NDRG4: variants seen among roughly 807,000 people sequenced by gnomAD.
NDRG4 encodes protein NDRG4.
In NDRG4, 38 loss-of-function variants were observed where a neutral mutation model predicts 55.8. The ratio of observed to expected loss-of-function variants is 0.68; its 90% CI spans 0.53 to 0.89. NDRG4 has a LOEUF of 0.89. NDRG4 is among the 40% of genes least tolerant of loss of function. NDRG4 has a pLI of 0.00. For synonymous variants in NDRG4, 190 were observed against 182.7 expected (o/e 1.04, Z -0.32); for missense variants, 455 against 468.6 (o/e 0.97, Z 0.27).
intron 7 of NDRG4, 130 bp downstream of exon 7, chr16:58,506,744 C>A: frequency 8.2e-7 from 1 of 1,225,330 alleles, no homozygotes; most frequent in Non-Finnish European, 1.2e-6. Context: ...ATCTGAAAGA[C>A]AGACATCCCC....
chr16:58,495,901 G>A (rs1193222620), upstream of NDRG4, among the ~76,000 whole-genome samples: 1 of 152,186 alleles, frequency 6.6e-6, no homozygotes, highest in African/African-American at 2.4e-5. Flanking sequence ...GGAGTGAATG[G>A]GAGCCCAGGA....
At chr16:58,477,012 C>T (rs2033742862) in intron 1 of NDRG4, among the ~76,000 whole-genome samples, 1 of 152,060 alleles carries the variant, frequency 6.6e-6, no homozygotes, top group South Asian at 2.1e-4. Context: ...CCAGGTTTCT[C>T]ACCACTGGAG....
At chr16:58,465,752 A>C (rs973279372) in intron 1 of NDRG4, among the ~76,000 whole-genome samples, 3 of 152,162 alleles carry the variant, frequency 2.0e-5, no homozygotes, top group African/African-American at 7.2e-5. Context: ...ATAAATAAAT[A>C]AATCAGCAAT....
At chr16:58,506,306 C>T (rs1431505841) in intron 5 of NDRG4, 81 bp from the exon 6 acceptor site, 12 of 1,378,336 alleles carry the variant, frequency 8.7e-6, no homozygotes, top group African/African-American at 7.1e-5. Context: ...TGATCAGCAG[C>T]ACCTTGAAGA....
At chr16:58,510,908 G>A (rs1053963581) in intron 14 of NDRG4, 12 of 594,312 alleles carry the variant, frequency 2.0e-5, no homozygotes, top group African/African-American at 5.6e-5. Context: ...CATGAGCTGC[G>A]TGGCTTCCAG....
intron 2 of NDRG4, among the ~76,000 whole-genome samples, chr16:58,488,029 C>T (rs958900481): frequency 1.3e-5 from 2 of 152,136 alleles, no homozygotes; most frequent in Non-Finnish European, 2.9e-5. Context: ...CCCAGCCAGC[C>T]TCACGGTGGC....
At chr16:58,478,701 T>TTTTG (rs1555528538) in intron 1 of NDRG4, among the ~76,000 whole-genome samples, 22 of 140,942 alleles carry the variant, frequency 1.6e-4, no homozygotes, top group Non-Finnish European at 3.0e-5. Context: ...TTTTTTGTTT[T>TTTTG]TTTTTTTTGT....
chr16:58,486,897 C>A (rs1053978716), intron 1 of NDRG4, among the ~76,000 whole-genome samples: 1 of 152,118 alleles, frequency 6.6e-6, no homozygotes, highest in Non-Finnish European at 1.5e-5. Context: ...ACCTGCACCC[C>A]CTCTTTCAAC....
downstream of NDRG4, among the ~76,000 whole-genome samples, chr16:58,514,025 C>T (rs2039042727): frequency 6.6e-6 from 1 of 152,128 alleles, no homozygotes. Flanking sequence ...ACAAAACACC[C>T]CTGCCCTCCA....
intron 1 of NDRG4, among the ~76,000 whole-genome samples, chr16:58,481,008 TA>T (rs75802479): frequency 0.024 from 3,162 of 131,926 alleles, 29 homozygotes; most frequent in African/African-American, 0.036. Flanking sequence ...GACTCTGTCT[TA>T]AAAAAAAAAA....
rs754829064 is a variant in NDRG4 at position 58,504,455 on chromosome 16, A to AG, written c.311+38dup. 14 of 1,612,368 alleles carry AG rather than the reference A, an allele frequency of 8.7e-6. No individual in the cohort carries two copies. The African/African-American group carries it at 1.6e-4, about 18-fold the overall frequency. On this transcript the variant is annotated intron_variant, in intron 4 of 14. Transcript: ENST00000570248. ...CCGCACAGCCCCTGCGCTAGGGCCC[A>AG]GGGGTGCCTACCCCAACTGCAGAGC...
At position 58,510,750 on chromosome 16, in the gene NDRG4, C is replaced by T. The variant is rs569738925; in HGVS notation, c.904+67C>T. ...TCCTCCTCCCCCGCTCCTTCCTCTG[C>T]GCAGTGTGCTGCAGCCAGGCCGCAT... On this transcript the variant is annotated intron_variant, in intron 14 of 14. Transcript: ENST00000570248. The T allele has an allele frequency of 3.1e-5, 44 of 1,412,072 alleles. 1 individual carries two copies. The highest frequency in any genetic ancestry group is 1.5e-4 in the South Asian group (12 of 81,802). The allele number at this position is 1,412,072 out of a possible 1,614,324, so 87.5% of individuals were successfully genotyped here.
chr16:58,514,523 G>A (rs1245939949), downstream of NDRG4, among the ~76,000 whole-genome samples: 16 of 152,036 alleles, frequency 1.1e-4, no homozygotes, highest in Admixed American at 1.0e-3. Flanking sequence ...GATTGCCTGA[G>A]CTCAGGAGTT....
intron 1 of NDRG4, among the ~76,000 whole-genome samples, chr16:58,469,586 C>A (rs746327764): frequency 2.4e-4 from 37 of 152,032 alleles, no homozygotes; most frequent in South Asian, 4.1e-4. Flanking sequence ...GCAAAAAAAA[C>A]CCAAAAAACT....
At chr16:58,508,310 A>G (rs1265901775) in intron 10 of NDRG4, among the ~76,000 whole-genome samples, 1 of 152,162 alleles carries the variant, frequency 6.6e-6, no homozygotes, top group Non-Finnish European at 1.5e-5. Context: ...CCCAGGGTGT[A>G]CGATCTTTTT....
chr16:58,487,160 G>C (rs1811709706), intron 1 of NDRG4, among the ~76,000 whole-genome samples: 1 of 152,164 alleles, frequency 6.6e-6, no homozygotes. Flanking sequence ...GCAGAATGTT[G>C]CATGTAATTG....
Position 58,482,266 on chromosome 16 carries a change from G to C in NDRG4, c.-23-5490G>C, listed in dbSNP as rs546727925. 2.5e-4 allele frequency among the ~76,000 whole-genome samples: 38 copies of C among 152,218 alleles called. No homozygotes were observed. The South Asian group carries it at 7.3e-3, about 29-fold the overall frequency. ...CTCAAGGCAGTGTGGACCGGACCTT[G>C]ACCCTGACCTGTGGGTCCCCTTCAC... On this transcript the variant is annotated intron_variant, in intron 1 of 15. Coordinates refer to the NDRG4 transcript ENST00000258187.
chr16:58,513,196 G>GTGTGTGTGTGTGTGTA lies in NDRG4; in HGVS notation c.*1621_*1622insGTGTGTGTGTGTGTAT, dbSNP rs367680752. ...TGTGTGTGTGTGTGTGTGTGTGTGTGTACATCGGGTCCTCCCATGTGTGGT... is the reference window on the plus strand; with the variant it reads ...TGTGTGTGTGTGTGTGTGTGTGTGTGTGTGTGTGTGTGTGTATACATCGGGTCCTCCCATGTGTGGT... On this transcript the variant is annotated 3_prime_UTR_variant, in exon 15 of 15. Transcript: ENST00000570248. 3.3e-5 allele frequency: 5 copies of GTGTGTGTGTGTGTGTA among 150,552 alleles called. No homozygotes were observed. The highest frequency in any genetic ancestry group is 2.1e-4 in the South Asian group (1 of 4,670). The allele number at this position is 150,552 out of a possible 1,614,324, so 9.3% of individuals were successfully genotyped here.
At chr16:58,467,945 C>T (rs2032027466) in intron 1 of NDRG4, among the ~76,000 whole-genome samples, 1 of 152,192 alleles carries the variant, frequency 6.6e-6, no homozygotes, top group East Asian at 1.9e-4. Flanking sequence ...ATTCCCTCCC[C>T]GCAGGGTGTT....
Sources: allele counts gnomAD v4.1 joint callset (sites outside exome capture counted in the v4.1 genomes callset), GRCh38; gene constraint gnomAD v4.1.1; transcripts MANE v1.5; gene names NCBI Gene and HGNC (gene_info 2026-07-23, HGNC 2026-07-21).